The following ITPR2 variants were observed in gnomAD, a reference collection of about 807,000 sequenced individuals.
ITPR2 encodes the protein inositol 1,4,5-trisphosphate-gated calcium channel ITPR2.
A neutral mutation model predicts 317.1 loss-of-function variants in ITPR2; 207 were observed. The ratio of observed to expected loss-of-function variants is 0.65; its 90% CI spans 0.58 to 0.73. The LOEUF is 0.73. Among genes scored for constraint, ITPR2 ranks in the 30% least tolerant of loss-of-function variants. The probability of loss-of-function intolerance (pLI) is 0.00; values close to 1 mark genes in which losing one functional copy is unlikely to be tolerated. For synonymous variants in ITPR2, 1,156 were observed against 1,149.1 expected (o/e 1.01, Z -0.12); for missense variants, 2,613 against 3,284.0 (o/e 0.80, Z 4.99).
chr12:26,475,423 C>CA lies in ITPR2; in HGVS notation c.6220-6_6220-5insT. The CA allele has an allele frequency of 1.3e-6, 2 of 1,591,990 alleles. No individual in the cohort carries two copies. Among genetic ancestry groups the CA allele is most frequent in the Admixed American group, 3.7e-5 (2 of 54,770 alleles). ...GGCATTCTTCATCACATCCACCTATCCAAAAAAAAAAAGAATATTGAAATG... is the reference window on the plus strand; with the variant it reads ...GGCATTCTTCATCACATCCACCTATCACAAAAAAAAAAAGAATATTGAAATG... On this transcript the variant is annotated splice_region_variant and splice_polypyrimidine_tract_variant and intron_variant, in intron 44 of 56. Coordinates refer to ENST00000381340, the MANE Select transcript of ITPR2 (RefSeq NM_002223.4).
intron 48 of ITPR2, among the ~76,000 whole-genome samples, chr12:26,433,829 GAAGT>G (rs775071533): frequency 3.5e-4 from 54 of 152,228 alleles, no homozygotes; most frequent in Non-Finnish European, 6.8e-4. Flanking sequence ...GAGAAACAGG[GAAGT>G]AAGAAGCAGC....
chr12:26,380,461 C>G (rs1939475348), intron 55 of ITPR2, among the ~76,000 whole-genome samples: 1 of 152,032 alleles, frequency 6.6e-6, no homozygotes, highest in Admixed American at 6.5e-5. Context: ...AGGGTGGTAT[C>G]TCCCTGAACG....
chr12:26,385,879 A>G (rs2136626055), intron 55 of ITPR2, among the ~76,000 whole-genome samples: 1 of 150,822 alleles, frequency 6.6e-6, no homozygotes, highest in Non-Finnish European at 1.5e-5. Context: ...TTTCATTTGG[A>G]CTTCTCTTGT....
intron 2 of ITPR2, among the ~76,000 whole-genome samples, chr12:26,788,488 T>C (rs1237029417): frequency 6.6e-6 from 1 of 152,208 alleles, no homozygotes; most frequent in Non-Finnish European, 1.5e-5. Context: ...AGAATTTTTC[T>C]CTTTGTCTTT....
At chr12:26,425,282 A>C (rs745616151) in intron 49 of ITPR2, among the ~76,000 whole-genome samples, 1 of 152,148 alleles carries the variant, frequency 6.6e-6, no homozygotes, top group Non-Finnish European at 1.5e-5. Context: ...AAAATTATAG[A>C]TAAAATTTTT....
chr12:26,766,181 A>G (rs1949716545), intron 2 of ITPR2, among the ~76,000 whole-genome samples: 2 of 152,154 alleles, frequency 1.3e-5, no homozygotes, highest in African/African-American at 4.8e-5. Flanking sequence ...ATTTTATTAT[A>G]GCTTTCTGAG....
chr12:26,600,240 A>G lies in ITPR2; in HGVS notation c.3679-131T>C, dbSNP rs560681450. 7.5e-4 allele frequency: 498 copies of G among 666,916 alleles called. 8 individuals are homozygous for G. The South Asian group carries it at 0.012, about 16-fold the overall frequency. 41.3% of individuals were successfully genotyped at this position (666,916 alleles called of 1,614,324 possible). On this transcript the variant is annotated intron_variant, in intron 28 of 56. Coordinates refer to ENST00000381340, the MANE Select transcript of ITPR2 (RefSeq NM_002223.4). Reference sequence around the variant, plus strand: ...TTGATCTCCTTTCTCTGTGTCCTTTATGTTTCACACCTCTCCCAGTTTCCC... The same window carrying G: ...TTGATCTCCTTTCTCTGTGTCCTTTGTGTTTCACACCTCTCCCAGTTTCCC...
chr12:26,543,087 T>C (rs1944304707), intron 37 of ITPR2, among the ~76,000 whole-genome samples: 2 of 152,306 alleles, frequency 1.3e-5, no homozygotes, highest in Admixed American at 6.5e-5. Flanking sequence ...GATGAAAATG[T>C]ATACTAAAGA....
chr12:26,447,911 A>T (rs982873534), intron 45 of ITPR2, among the ~76,000 whole-genome samples: 2 of 151,820 alleles, frequency 1.3e-5, no homozygotes, highest in African/African-American at 4.8e-5. Flanking sequence ...CTGCCAACCA[A>T]AGATATTCGA....
intron 37 of ITPR2, among the ~76,000 whole-genome samples, chr12:26,497,878 T>A (rs1942980207): frequency 6.6e-6 from 1 of 151,914 alleles, no homozygotes; most frequent in Admixed American, 6.6e-5. Flanking sequence ...GCCTGGCTAA[T>A]TTTTTTTGTT....
chr12:26,564,959 A>G (rs1351615275), intron 34 of ITPR2, among the ~76,000 whole-genome samples: 1 of 152,240 alleles, frequency 6.6e-6, no homozygotes, highest in Admixed American at 6.5e-5. Context: ...GAGAGAAAAG[A>G]TGATTCCTAA....
intron 2 of ITPR2, among the ~76,000 whole-genome samples, chr12:26,757,672 G>C (rs1055163714): frequency 1.3e-5 from 2 of 152,196 alleles, no homozygotes; most frequent in Non-Finnish European, 2.9e-5. Flanking sequence ...ATTTGTGATA[G>C]GTTTATCAGG....
At chr12:26,668,814 A>G (rs1947684848) in intron 13 of ITPR2, among the ~76,000 whole-genome samples, 1 of 152,222 alleles carries the variant, frequency 6.6e-6, no homozygotes, top group Non-Finnish European at 1.5e-5. Context: ...TACCAAAAAA[A>G]AAAATCTGAG....
intron 2 of ITPR2, among the ~76,000 whole-genome samples, chr12:26,736,784 A>G (rs1949126166): frequency 6.6e-6 from 1 of 152,214 alleles, no homozygotes; most frequent in Non-Finnish European, 1.5e-5. Context: ...CTGATTCCTC[A>G]AACAGAGGAA....
Position 26,462,453 on chromosome 12 carries a change from A to T in ITPR2, c.6342+12843T>A, listed in dbSNP as rs532256567. Among the ~76,000 whole-genome samples, 9 of 152,216 alleles carry T rather than the reference A, an allele frequency of 5.9e-5. No individual in the cohort carries two copies. The South Asian group carries it at 1.9e-3, about 32-fold the overall frequency. On this transcript the variant is annotated intron_variant, in intron 45 of 56. Transcript: ENST00000381340. ...GGTCTGGAACTCCTGACCTCAAGTGATCTGCCCACCTCAGCCTCCCAAAGT... is the reference window on the plus strand; with the variant it reads ...GGTCTGGAACTCCTGACCTCAAGTGTTCTGCCCACCTCAGCCTCCCAAAGT...
chr12:26,813,865 G>T (rs2137273453), intron 1 of ITPR2, among the ~76,000 whole-genome samples: 1 of 152,298 alleles, frequency 6.6e-6, no homozygotes, highest in African/African-American at 2.4e-5. Context: ...CTGCTTGTAA[G>T]GACTTAGGAA....
intron 48 of ITPR2, among the ~76,000 whole-genome samples, chr12:26,435,729 A>C (rs2136718988): frequency 6.6e-6 from 1 of 152,248 alleles, no homozygotes; most frequent in African/African-American, 2.4e-5. Context: ...TCACTTTTGA[A>C]ACCTCAGATG....
intron 1 of ITPR2, among the ~76,000 whole-genome samples, chr12:26,825,822 C>A (rs1197239068): frequency 2.0e-5 from 3 of 152,226 alleles, no homozygotes; most frequent in African/African-American, 7.2e-5. Flanking sequence ...CAACATCACA[C>A]TTCTAACACT....
intron 37 of ITPR2, among the ~76,000 whole-genome samples, chr12:26,542,957 T>C (rs529287321): frequency 6.6e-6 from 1 of 152,344 alleles, no homozygotes; most frequent in South Asian, 2.1e-4. Context: ...AATTCTAAAG[T>C]ACAGAAGCTA....
Sources: allele counts gnomAD v4.1 joint callset (sites outside exome capture counted in the v4.1 genomes callset), GRCh38; gene constraint gnomAD v4.1.1; transcripts MANE v1.5; gene names NCBI Gene and HGNC (gene_info 2026-07-23, HGNC 2026-07-21).